PPP6R1: variants seen among roughly 807,000 people sequenced by gnomAD.
PPP6R1 encodes the protein serine/threonine-protein phosphatase 6 regulatory subunit 1.
Under a neutral mutation model 104.6 loss-of-function variants are expected in PPP6R1, and 39 were observed. The observed-to-expected ratio is 0.37, with a 90% CI of 0.29 to 0.49. The LOEUF (loss-of-function observed/expected upper bound fraction) is 0.49, where lower values mean the gene tolerates loss of function less well. Ranked by LOEUF, PPP6R1 falls within the 20% of genes least tolerant of loss-of-function variation. The pLI, the probability that PPP6R1 is intolerant of heterozygous loss-of-function variation, is 0.98. For missense variants in PPP6R1, 1,181 were observed against 1,155.8 expected (o/e 1.02, Z -0.32); for synonymous variants, 549 against 479.0 (o/e 1.15, Z -1.91).
In PPP6R1 at chr19:55,236,958, G is replaced by A. The variant is rs967584890; in HGVS notation, c.1764C>T (p.Asp588=). 1.2e-6 allele frequency: 2 copies of A among 1,612,436 alleles called. No homozygotes were observed. The highest frequency in any genetic ancestry group is 2.2e-5 in the East Asian group (1 of 44,886). Residue 588 remains aspartate (D), a synonymous_variant, in exon 16 of 24, where the codon GAC becomes GAT. Transcript: ENST00000412770. Reference sequence around the variant, plus strand: ...GGGAGAAGGTGATGTTGGCTGTCTTGTCAAAAGGTGCGCTAGGAGAGAAGG... The same window carrying A: ...GGGAGAAGGTGATGTTGGCTGTCTTATCAAAAGGTGCGCTAGGAGAGAAGG... The part of the protein sequence containing the change: ...EQEESVNAPF[D]KTANITFSLN...
chr19:55,242,282 G>A lies in PPP6R1; in HGVS notation c.732-3C>T. 6.2e-7 allele frequency: 1 copy of A among 1,613,498 alleles called. No homozygotes were observed. On this transcript the variant is annotated splice_region_variant and splice_polypyrimidine_tract_variant and intron_variant, in intron 6 of 23. Transcript: ENST00000412770. ...AGAGCTGCTCAATCGTCTCCTGCCT[G>A]CGGGGGCAGGGGCAGGGGTCAGGGT...
chr19:55,232,916 A>G (rs2087363159), intron 17 of PPP6R1: 1 of 152,372 alleles, frequency 6.6e-6, no homozygotes, highest in Non-Finnish European at 1.5e-5. Flanking sequence ...TGAACATTCT[A>G]GAGTGCACTT....
chr19:55,235,708 C>T lies in PPP6R1; in HGVS notation c.1988+935G>A, dbSNP rs141430212. 4.6e-3 allele frequency among the ~76,000 whole-genome samples: 699 copies of T among 151,730 alleles called. 8 individuals carry two copies. Among genetic ancestry groups the T allele is most frequent in the African/African-American group, 0.015 (632 of 41,378 alleles). The stretch of plus-strand genomic sequence containing the variant: ...AAATTTTTTGTATTTTTAGTAGAGA[C>T]GGGGTTTCACCATGTTAGCCAGGAT... On this transcript the variant is annotated intron_variant, in intron 17 of 23. Coordinates refer to ENST00000412770, the MANE Select transcript of PPP6R1 (RefSeq NM_014931.4).
rs1367847597 is a variant in PPP6R1, at chr19:55,245,788, G to C, written c.228-110C>G. ...GGGCACTGGGTTTCTGGGAACTGCA[G>C]AGACCCCTGTCCAGGAAGGGGAAAG... On this transcript the variant is annotated intron_variant, in intron 2 of 23. Coordinates refer to ENST00000412770, the MANE Select transcript of PPP6R1 (RefSeq NM_014931.4). The surrounding 1 kb of genome is among the most constrained non-coding windows in gnomAD (Gnocchi z 6.4). The C allele has an allele frequency of 1.1e-6, 1 of 905,460 alleles. No individual in the cohort carries two copies. Among genetic ancestry groups the C allele is most frequent in the Admixed American group, 2.3e-5 (1 of 43,162 alleles). 56.1% of individuals were successfully genotyped at this position (905,460 alleles called of 1,614,324 possible). A position where few individuals can be genotyped will look rare whatever the true frequency, so the allele number is the denominator to read the frequency against.
Position 55,230,649 on chromosome 19 carries a change from C to T in PPP6R1, c.2606G>A (p.Gly869Asp), listed in dbSNP as rs754481401. 6 of 1,609,530 alleles carry T rather than the reference C, an allele frequency of 3.7e-6. No homozygotes were observed. The highest frequency in any genetic ancestry group is 5.1e-6 in the Non-Finnish European group (6 of 1,177,992). The change falls in exon 23 of 24, where the codon GGC becomes GAC. Residue 869 changes from glycine (G) to aspartate (D), a missense_variant. Gly to Asp is a moderately conservative substitution (Grantham distance 94). Around this residue, in one of 2 missense-constraint regions of PPP6R1, gnomAD observed 1,042 missense variants for 955.6 expected, o/e 1.09. Coordinates refer to ENST00000412770, the MANE Select transcript of PPP6R1 (RefSeq NM_014931.4). Reference protein sequence around the residue: ...QALTPPPIPNGSAPEGPASPG... With the variant: ...QALTPPPIPNDSAPEGPASPG... The stretch of plus-strand genomic sequence containing the variant: ...GGATGCAGGCCCTTCCGGGGCAGAG[C>T]CATTGGGTATCGGAGGAGGCGTGAG...
downstream of PPP6R1, chr19:55,228,430 T>C (rs146270052): frequency 6.2e-6 from 10 of 1,611,978 alleles, no homozygotes; most frequent in Non-Finnish European, 8.5e-6. Context: ...CCTGCAGACA[T>C]CTGGGCGCTT....
chr19:55,231,390 A>G lies in PPP6R1; in HGVS notation c.2459+20T>C. 1 of 1,573,062 alleles carries G rather than the reference A, an allele frequency of 6.4e-7. No individual in the cohort carries two copies. The highest frequency in any genetic ancestry group is 2.3e-5 in the East Asian group (1 of 42,668). ...GAAAAGACTTCTCCCGATACTAGGC[A>G]GCCCCACCTCGCTGCTCACCTGTCC... is the stretch of plus-strand genomic sequence containing the variant. On this transcript the variant is annotated intron_variant, in intron 21 of 23. Transcript: ENST00000412770.
intron 5 of PPP6R1, among the ~76,000 whole-genome samples, chr19:55,244,587 A>C (rs1025897851): frequency 2.0e-5 from 3 of 152,232 alleles, no homozygotes; most frequent in African/African-American, 7.2e-5. Context: ...CCCTCCCTGC[A>C]AGGCATTATG....
In PPP6R1 at chr19:55,230,466, C is replaced by T. The variant is rs577398540; in HGVS notation, c.*62G>A. 8.7e-6 allele frequency: 14 copies of T among 1,608,020 alleles called. No homozygotes were observed. Among genetic ancestry groups the T allele is most frequent in the African/African-American group, 2.7e-5 (2 of 74,900 alleles). On this transcript the variant is annotated 3_prime_UTR_variant, in exon 24 of 24. Coordinates refer to ENST00000412770, the MANE Select transcript of PPP6R1 (RefSeq NM_014931.4). Reference sequence around the variant, plus strand: ...GGGGGCCATCGTGGGACCCGCCCTGCCCCCACCCCGGGAGATCCACGGGAG... The same window carrying T: ...GGGGGCCATCGTGGGACCCGCCCTGTCCCCACCCCGGGAGATCCACGGGAG...
At chr19:55,244,700 G>A (rs2087490795) in intron 5 of PPP6R1, among the ~76,000 whole-genome samples, 1 of 152,060 alleles carries the variant, frequency 6.6e-6, no homozygotes, top group Non-Finnish European at 1.5e-5. Flanking sequence ...AAAGGGCATG[G>A]ATACACCTGG....
Position 55,230,349 on chromosome 19 carries a change from C to T in PPP6R1, c.*179G>A, listed in dbSNP as rs2122493250. On this transcript the variant is annotated 3_prime_UTR_variant, in exon 24 of 24. Transcript: ENST00000412770. Reference sequence around the variant, plus strand: ...CGCTCCAAAACTTCTCTTCTCAGTGCAAATGGGGGTGGGTTGGGCCTGTCT... The same window carrying T: ...CGCTCCAAAACTTCTCTTCTCAGTGTAAATGGGGGTGGGTTGGGCCTGTCT... 2.5e-6 allele frequency: 2 copies of T among 813,602 alleles called. No individual in the cohort carries two copies. The highest frequency in any genetic ancestry group is 1.7e-5 in the South Asian group (1 of 58,134). The allele number at this position is 813,602 out of a possible 1,614,324, so 50.4% of individuals were successfully genotyped here.
Position 55,230,812 on chromosome 19 carries a change from C to T in PPP6R1, c.2532G>A (p.Glu844=). The change falls in exon 22 of 24, where the codon GAG becomes GAA. Residue 844 remains glutamate (E), a synonymous_variant. Coordinates refer to ENST00000412770, the MANE Select transcript of PPP6R1 (RefSeq NM_014931.4). ...GAAGCCCCAAGGGCTCTGGGCTCTTCTCCCCTTCTGTGGTCTGGGGGGGCT... is the reference window on the plus strand; with the variant it reads ...GAAGCCCCAAGGGCTCTGGGCTCTTTTCCCCTTCTGTGGTCTGGGGGGGCT... ...AHQPPQTTEG[E]KSPEPLGLPQ... 6.3e-7 allele frequency: 1 copy of T among 1,581,876 alleles called. No homozygotes were observed. Among genetic ancestry groups the T allele is most frequent in the Non-Finnish European group, 8.6e-7 (1 of 1,166,946 alleles).
chr19:55,237,162 A>G (rs2087407494), intron 15 of PPP6R1, among the ~76,000 whole-genome samples, 192 bp from the exon 16 acceptor site: 1 of 152,216 alleles, frequency 6.6e-6, no homozygotes, highest in East Asian at 1.9e-4. Flanking sequence ...AACATCTCAC[A>G]TATGATCACT....
At chr19:55,254,706 T>G (rs2087579408) in intron 1 of PPP6R1, among the ~76,000 whole-genome samples, 2 of 152,188 alleles carry the variant, frequency 1.3e-5, no homozygotes, top group Admixed American at 6.5e-5. Flanking sequence ...CCTGGCCCCC[T>G]GGCCGGTACC....
chr19:55,250,409 G>A (rs7256388), intron 1 of PPP6R1, among the ~76,000 whole-genome samples: 3,689 of 152,248 alleles, frequency 0.024, 153 homozygotes, highest in African/African-American at 0.084. Context: ...CCTGTGTAGT[G>A]GACACTTAAG....
At chr19:55,234,011 G>T (rs1320996710) in intron 17 of PPP6R1, among the ~76,000 whole-genome samples, 1 of 152,126 alleles carries the variant, frequency 6.6e-6, no homozygotes, top group Non-Finnish European at 1.5e-5. Flanking sequence ...AATGAATGGT[G>T]CGATCTCAGC....
chr19:55,245,782 A>T lies in PPP6R1; in HGVS notation c.228-104T>A. 1.1e-6 allele frequency: 1 copy of T among 944,646 alleles called. No individual in the cohort carries two copies. Among genetic ancestry groups the T allele is most frequent in the Non-Finnish European group, 1.6e-6 (1 of 630,370 alleles). 58.5% of individuals were successfully genotyped at this position (944,646 alleles called of 1,614,324 possible). On this transcript the variant is annotated intron_variant, in intron 2 of 23. Coordinates refer to ENST00000412770, the MANE Select transcript of PPP6R1 (RefSeq NM_014931.4). The surrounding 1 kb of genome is among the most constrained non-coding windows in gnomAD (Gnocchi z 6.4). Reference sequence around the variant, plus strand: ...TGCACCGGGCACTGGGTTTCTGGGAACTGCAGAGACCCCTGTCCAGGAAGG... The same window carrying T: ...TGCACCGGGCACTGGGTTTCTGGGATCTGCAGAGACCCCTGTCCAGGAAGG...
Position 55,241,129 on chromosome 19 carries a change from C to T in PPP6R1, c.1162-50G>A. On this transcript the variant is annotated intron_variant, in intron 9 of 23. Coordinates refer to ENST00000412770, the MANE Select transcript of PPP6R1 (RefSeq NM_014931.4). This position sits in a 1 kb window ranked among gnomAD's most constrained non-coding sequence, Gnocchi z 5.4. ...CCAGAGAGGCCCCGCCCCAGCCGAG[C>T]CCCCAACCCCTGAGCCCCCAGCCGA... 1 of 1,436,408 alleles carries T rather than the reference C, an allele frequency of 7.0e-7. No homozygotes were observed. The highest frequency in any genetic ancestry group is 2.8e-5 in the East Asian group (1 of 35,876). The allele number at this position is 1,436,408 out of a possible 1,614,324, so 89.0% of individuals were successfully genotyped here.
intron 1 of PPP6R1, among the ~76,000 whole-genome samples, chr19:55,249,566 T>G (rs534455409): frequency 1.8e-4 from 27 of 151,960 alleles, no homozygotes; most frequent in African/African-American, 6.5e-4. Flanking sequence ...TAAGGTTGGG[T>G]GTGGTGGCTC....
Sources: gnomAD v4.1 joint callset for allele counts (sites outside exome capture counted in the v4.1 genomes callset) on GRCh38, gnomAD v4.1.1 for gene constraint, gnomAD v4.1.1 regional missense constraint, Gnocchi (gnomAD v3.1) non-coding constraint, MANE v1.5 for transcripts, NCBI Gene and HGNC (gene_info 2026-07-23, HGNC 2026-07-21) for gene names.